Variants in WWOX observed in about 807,000 individuals in gnomAD.
WWOX encodes WW domain-containing oxidoreductase.
WWOX carries 69 observed loss-of-function variants against 46.2 expected under a neutral mutation model. The ratio of observed to expected loss-of-function variants is 1.49; its 90% confidence interval spans 1.23 to 1.82. WWOX has a LOEUF of 1.82. WWOX is among the 40% of genes most tolerant of loss of function. The probability of loss-of-function intolerance (pLI) is 0.00; values close to 1 mark genes in which losing one functional copy is unlikely to be tolerated. For missense variants in WWOX, 919 were observed against 542.6 expected (o/e 1.69, Z -6.89); for synonymous variants, 359 against 202.6 (o/e 1.77, Z -6.56).
chr16:78,669,698 A>C (rs2047415636), intron 8 of WWOX, among the ~76,000 whole-genome samples: 1 of 152,188 alleles, frequency 6.6e-6, no homozygotes, highest in Non-Finnish European at 1.5e-5. Context: ...TGAGCTAAAA[A>C]CTAGTTACAG....
At chr16:78,293,459 C>T (rs952537684) in intron 5 of WWOX, among the ~76,000 whole-genome samples, 2 of 152,186 alleles carry the variant, frequency 1.3e-5, no homozygotes, top group Non-Finnish European at 2.9e-5. Context: ...ATCCTCTCTT[C>T]TCTCCTGTAT....
At chr16:78,189,630 C>T (rs1000969269) in intron 5 of WWOX, among the ~76,000 whole-genome samples, 2 of 152,016 alleles carry the variant, frequency 1.3e-5, no homozygotes, top group Admixed American at 6.6e-5. Flanking sequence ...CTAAACAAAT[C>T]CTTCTTTTTT....
chr16:78,626,179 G>A (rs2046307108), intron 8 of WWOX, among the ~76,000 whole-genome samples: 1 of 151,424 alleles, frequency 6.6e-6, no homozygotes, highest in African/African-American at 2.4e-5. Context: ...TGCCCAGGAT[G>A]GAGTGCAGTG....
At position 78,940,750 on chromosome 16, in the gene WWOX, T is replaced by C. The variant is rs937591311; in HGVS notation, c.1057-270858T>C. Among the ~76,000 whole-genome samples, 8 of 151,656 alleles carry C rather than the reference T, an allele frequency of 5.3e-5. No homozygotes were observed. In the East Asian group the frequency reaches 1.5e-3, roughly 29 times the overall value. ...GGGTTACTTTTTTTTTCCCTTTCAG[T>C]ATTCATGACGTCAAGTCCCTGTTTG... On this transcript the variant is annotated intron_variant, in intron 8 of 8. Coordinates refer to ENST00000566780, the MANE Select transcript of WWOX (RefSeq NM_016373.4).
At chr16:78,480,932 G>A (rs1277056063) in intron 8 of WWOX, among the ~76,000 whole-genome samples, 1 of 152,198 alleles carries the variant, frequency 6.6e-6, no homozygotes, top group Non-Finnish European at 1.5e-5. Context: ...TCAGTGTTTG[G>A]ATATAGTTCT....
chr16:78,886,526 A>G (rs1263220243), intron 8 of WWOX, among the ~76,000 whole-genome samples: 1 of 151,694 alleles, frequency 6.6e-6, no homozygotes, highest in East Asian at 1.9e-4. Flanking sequence ...AAGTTTTAAG[A>G]TAGATGTCTA....
At chr16:78,736,658 C>T (rs1160185300) in intron 8 of WWOX, among the ~76,000 whole-genome samples, 1 of 152,058 alleles carries the variant, frequency 6.6e-6, no homozygotes, top group Non-Finnish European at 1.5e-5. Context: ...AGTGCAGTTG[C>T]GTGATATTAG....
At chr16:78,745,695 C>G (rs1035263341) in intron 8 of WWOX, among the ~76,000 whole-genome samples, 1 of 151,352 alleles carries the variant, frequency 6.6e-6, no homozygotes, top group Non-Finnish European at 1.5e-5. Context: ...CATCCACCCC[C>G]TCACTGCCAC....
At chr16:78,933,307 C>T (rs11866051) in intron 8 of WWOX, among the ~76,000 whole-genome samples, 3,055 of 152,260 alleles carry the variant, frequency 0.02, 116 homozygotes, top group African/African-American at 0.07. Flanking sequence ...AGCATGGTGT[C>T]ACATGCATGT....
At chr16:78,609,522 T>G (rs879603329) in intron 8 of WWOX, among the ~76,000 whole-genome samples, 1 of 152,160 alleles carries the variant, frequency 6.6e-6, no homozygotes, top group East Asian at 1.9e-4. Context: ...TCTGAGGTTT[T>G]TTTTTTTCTT....
intron 8 of WWOX, among the ~76,000 whole-genome samples, chr16:79,168,945 C>T (rs1264228989): frequency 6.6e-6 from 1 of 152,182 alleles, no homozygotes; most frequent in South Asian, 2.1e-4. Flanking sequence ...CAAACTATCT[C>T]ACTTTGAAAA....
chr16:79,193,312 G>A (rs977102933), intron 8 of WWOX, among the ~76,000 whole-genome samples: 3 of 152,222 alleles, frequency 2.0e-5, no homozygotes, highest in Non-Finnish European at 4.4e-5. Flanking sequence ...AGAACTCTTT[G>A]TTGTCTGCAC....
intron 4 of WWOX, among the ~76,000 whole-genome samples, chr16:78,147,687 TTTTTTTTTTAA>T (rs1567598409): frequency 1.6e-5 from 2 of 126,170 alleles, no homozygotes; most frequent in Non-Finnish European, 3.3e-5. Context: ...TTTTTTTTTT[TTTTTTTTTTAA>T]AAAAAAAAAA....
At chr16:78,634,813 A>G (rs1187978233) in intron 8 of WWOX, among the ~76,000 whole-genome samples, 1 of 99,592 alleles carries the variant, frequency 1.0e-5, no homozygotes, top group African/African-American at 4.0e-5. Flanking sequence ...ACCCGACTGG[A>G]GAGAGAGAGA....
At position 78,424,975 on chromosome 16, in the gene WWOX, C is replaced by G. The variant is rs769589145; in HGVS notation, c.711C>G (p.Phe237Leu). The G allele has an allele frequency of 2.6e-5, 42 of 1,614,076 alleles. No homozygotes were observed. The South Asian group carries it at 2.9e-4, about 11-fold the overall frequency. The change falls in exon 7 of 9, where the codon TTC (phenylalanine) becomes TTG (leucine). Residue 237 changes from phenylalanine (F) to leucine (L), a missense_variant. By Grantham distance (22) the Phe-to-Leu change is conservative. Coordinates refer to ENST00000566780, the MANE Select transcript of WWOX (RefSeq NM_016373.4). Reference sequence around the variant, plus strand: ...TTCAAGTGAATCATCTGGGGCACTTCTACCTTGTCCAGCTCCTCCAGGATG... The same window carrying G: ...TTCAAGTGAATCATCTGGGGCACTTGTACCTTGTCCAGCTCCTCCAGGATG... ...TTFQVNHLGH[F>L]YLVQLLQDVL...
chr16:78,913,316 T>C (rs535014588), intron 8 of WWOX, among the ~76,000 whole-genome samples: 3 of 152,148 alleles, frequency 2.0e-5, no homozygotes, highest in South Asian at 4.1e-4. Context: ...ATGGTTAGAC[T>C]GCATTTTTGA....
At chr16:78,643,369 T>C (rs1490850907) in intron 8 of WWOX, among the ~76,000 whole-genome samples, 1 of 152,322 alleles carries the variant, frequency 6.6e-6, no homozygotes, top group East Asian at 1.9e-4. Context: ...GGAGGATCTG[T>C]AACTGTTGCA....
chr16:78,671,771 G>C (rs1237718438), intron 8 of WWOX, among the ~76,000 whole-genome samples: 3 of 152,258 alleles, frequency 2.0e-5, no homozygotes, highest in African/African-American at 7.2e-5. Context: ...GTATATTTAA[G>C]AAAGCACCAT....
intron 8 of WWOX, among the ~76,000 whole-genome samples, chr16:78,909,607 G>C (rs1038441539): frequency 6.6e-6 from 1 of 152,166 alleles, no homozygotes; most frequent in Admixed American, 6.5e-5. Flanking sequence ...TTCTGGAAAT[G>C]ATGCTCCTCT....
Sources: allele counts gnomAD v4.1 joint callset (sites outside exome capture counted in the v4.1 genomes callset), GRCh38; gene constraint gnomAD v4.1.1; transcripts MANE v1.5; gene names NCBI Gene and HGNC (gene_info 2026-07-23, HGNC 2026-07-21).